TOM1L2: variants seen among roughly 807,000 people sequenced by gnomAD.
TOM1L2 encodes the protein target of myb1 like 2 membrane trafficking protein.
TOM1L2 carries 31 observed loss-of-function variants against 67.9 expected under a neutral mutation model. That is an observed-to-expected ratio of 0.46 (90% confidence interval 0.34 to 0.62). The LOEUF is 0.62. Among genes scored for constraint, TOM1L2 ranks in the 20% least tolerant of loss-of-function variants. The pLI, the probability that TOM1L2 is intolerant of heterozygous loss-of-function variation, is 0.01. For synonymous variants in TOM1L2, 256 were observed against 254.0 expected (o/e 1.01, Z -0.07); for missense variants, 606 against 663.5 (o/e 0.91, Z 0.95).
chr17:17,969,015 G>T (rs2091812414), intron 1 of TOM1L2, among the ~76,000 whole-genome samples: 1 of 150,252 alleles, frequency 6.7e-6, no homozygotes, highest in Non-Finnish European at 1.5e-5. Context: ...TCCTGAAACC[G>T]TAAATCCATT....
At chr17:17,957,832 T>C (rs2144983452) in intron 1 of TOM1L2, among the ~76,000 whole-genome samples, 1 of 152,038 alleles carries the variant, frequency 6.6e-6, no homozygotes, top group East Asian at 1.9e-4. Flanking sequence ...CCAGGCGTGG[T>C]GGCTCACGAC....
intron 1 of TOM1L2, among the ~76,000 whole-genome samples, chr17:17,915,848 T>G (rs1332785560): frequency 7.2e-5 from 11 of 151,788 alleles, no homozygotes; most frequent in Admixed American, 7.2e-4. Flanking sequence ...TAGGTTTTTT[T>G]TTTTTTTTTT....
At position 17,847,574 on chromosome 17, in the gene TOM1L2, C is replaced by T; in HGVS notation, c.*61G>A. ...GCTGGGGATGTAGGAGTGGCCAGTG[C>T]CCGGTGTCCACGGGGTGCGAGCGGG... On this transcript the variant is annotated 3_prime_UTR_variant, in exon 15 of 15. Coordinates refer to ENST00000379504, the MANE Select transcript of TOM1L2 (RefSeq NM_001082968.2). 12 of 1,546,676 alleles carry T rather than the reference C, an allele frequency of 7.8e-6. No individual in the cohort carries two copies. Among genetic ancestry groups the T allele is most frequent in the Admixed American group, 1.9e-5 (1 of 53,736 alleles).
At chr17:17,904,608 G>C (rs907894604) in intron 2 of TOM1L2, among the ~76,000 whole-genome samples, 1 of 152,104 alleles carries the variant, frequency 6.6e-6, no homozygotes, top group Admixed American at 6.5e-5. Flanking sequence ...CAACTTGGTC[G>C]TTGTGCAGCA....
chr17:17,906,835 G>C (rs1346241031), intron 2 of TOM1L2, among the ~76,000 whole-genome samples: 1 of 152,240 alleles, frequency 6.6e-6, no homozygotes, highest in Non-Finnish European at 1.5e-5. Flanking sequence ...TAAAGTAAGT[G>C]TTAGTGGTAT....
intron 1 of TOM1L2, among the ~76,000 whole-genome samples, chr17:17,931,780 C>T (rs137857564): frequency 1.3e-5 from 2 of 152,368 alleles, no homozygotes; most frequent in South Asian, 2.1e-4. Flanking sequence ...ACTTTACACA[C>T]GTGACACTGT....
intron 1 of TOM1L2, among the ~76,000 whole-genome samples, chr17:17,924,442 T>C (rs901299964): frequency 6.6e-6 from 1 of 152,216 alleles, no homozygotes; most frequent in African/African-American, 2.4e-5. Flanking sequence ...ATATGAATTA[T>C]ATCTCAATAA....
At chr17:17,937,724 G>A (rs1444812690) in intron 1 of TOM1L2, among the ~76,000 whole-genome samples, 1 of 152,174 alleles carries the variant, frequency 6.6e-6, no homozygotes, top group Non-Finnish European at 1.5e-5. Flanking sequence ...ATGAGAAAGT[G>A]CAAGGATAAA....
chr17:17,866,386 C>T lies in TOM1L2; in HGVS notation c.994G>A (p.Asp332Asn). The change falls in exon 10 of 15, where the codon GAC becomes AAC. Residue 332 changes from aspartate (D) to asparagine (N), a missense_variant. Asp to Asn is a conservative substitution (Grantham distance 23). Around this residue, in one of 2 missense-constraint regions of TOM1L2, gnomAD observed 543 missense variants for 554.0 expected, o/e 0.98. Transcript: ENST00000379504. ...ACGGCTGGAGACCCTGGCCCCAGGT[C>T]TATTAAGTTGTCTTCGGTTACTTCA... The part of the protein sequence containing the change: ...LNEVTEDNLI[D>N]LGPGSPAVVS... 1 of 1,606,308 alleles carries T rather than the reference C, an allele frequency of 6.2e-7. No individual in the cohort carries two copies. Among genetic ancestry groups the T allele is most frequent in the Non-Finnish European group, 8.5e-7 (1 of 1,175,854 alleles).
intron 2 of TOM1L2, among the ~76,000 whole-genome samples, chr17:17,905,110 T>A (rs2039033003): frequency 6.6e-6 from 1 of 152,204 alleles, no homozygotes; most frequent in Non-Finnish European, 1.5e-5. Flanking sequence ...ACGATGGGAT[T>A]AGAGATGTGT....
At chr17:17,943,718 C>G (rs1325704468) in intron 1 of TOM1L2, among the ~76,000 whole-genome samples, 18 of 152,122 alleles carry the variant, frequency 1.2e-4, no homozygotes, top group Non-Finnish European at 1.0e-4. Context: ...CATCTTCCCC[C>G]TAAGTATTAA....
At chr17:17,929,528 G>C (rs1186720336) in intron 1 of TOM1L2, among the ~76,000 whole-genome samples, 1 of 152,240 alleles carries the variant, frequency 6.6e-6, no homozygotes, top group South Asian at 2.1e-4. Context: ...CTACTCAGGA[G>C]GCCGAGGCAG....
chr17:17,869,779 TCAA>T, intron 7 of TOM1L2: 2 of 800,958 alleles, frequency 2.5e-6, no homozygotes, highest in South Asian at 1.0e-4. Context: ...TTGCTTTTTC[TCAA>T]CAAAATATTC....
intron 7 of TOM1L2, among the ~76,000 whole-genome samples, chr17:17,874,200 C>T (rs1003327859): frequency 3.3e-5 from 5 of 152,082 alleles, no homozygotes; most frequent in African/African-American, 7.2e-5. Flanking sequence ...ATGATCTGCC[C>T]GCCTTAGCCT....
rs543603823 is a variant in TOM1L2 at position 17,954,619 on chromosome 17, A to G, written c.52+17643T>C. Among the ~76,000 whole-genome samples, 6 of 152,274 alleles carry G rather than the reference A, an allele frequency of 3.9e-5. No individual in the cohort carries two copies. In the South Asian group the frequency reaches 8.3e-4, roughly 21 times the overall value. On this transcript the variant is annotated intron_variant, in intron 1 of 14. Transcript: ENST00000379504. Reference sequence around the variant, plus strand: ...TGAGCCACCGCGCCTGGCCCTATTTATAAATCATTCTAAAGGAGATGGGGA... The same window carrying G: ...TGAGCCACCGCGCCTGGCCCTATTTGTAAATCATTCTAAAGGAGATGGGGA...
rs1568112760 is a variant in TOM1L2 at position 17,869,465 on chromosome 17, G to C, written c.786C>G (p.Asn262Lys). 1.2e-6 allele frequency: 2 copies of C among 1,607,680 alleles called. No individual in the cohort carries two copies. The highest frequency in any genetic ancestry group is 1.7e-6 in the Non-Finnish European group (2 of 1,176,696). Residue 262 changes from asparagine to lysine, a missense_variant, in exon 8 of 15, where the codon AAC becomes AAG. Transcript: ENST00000379504. ...GCTGCTGCATGGCCCGACAGGTCCT[G>C]TTGAGCTCCTAGGGAACACATGCAC... is the stretch of plus-strand genomic sequence containing the variant. ...SSDLELLQEL[N>K]RTCRAMQQRI...
chr17:17,923,402 A>AAACAACAACAACAAAAC (rs1275989895), intron 1 of TOM1L2, among the ~76,000 whole-genome samples: 8 of 152,164 alleles, frequency 5.3e-5, no homozygotes, highest in Non-Finnish European at 1.0e-4. Flanking sequence ...ACTCCATCTC[A>AAACAACAACAACAAAAC]AACAACAACA....
intron 4 of TOM1L2, among the ~76,000 whole-genome samples, chr17:17,886,082 C>T (rs2037983799): frequency 6.6e-6 from 1 of 152,184 alleles, no homozygotes; most frequent in East Asian, 1.9e-4. Context: ...GTGCCCATGA[C>T]TCCATTGCCA....
intron 1 of TOM1L2, among the ~76,000 whole-genome samples, chr17:17,947,546 C>A (rs987349501): frequency 2.0e-5 from 3 of 152,142 alleles, no homozygotes; most frequent in Admixed American, 2.0e-4. Flanking sequence ...TGGCAAGCCA[C>A]GGAAAGAGGC....
Sources: allele counts gnomAD v4.1 joint callset (sites outside exome capture counted in the v4.1 genomes callset), GRCh38; gene constraint gnomAD v4.1.1; regional missense constraint gnomAD v4.1.1; transcripts MANE v1.5; gene names NCBI Gene and HGNC (gene_info 2026-07-23, HGNC 2026-07-21).